VIPAS39: variants seen among roughly 807,000 people sequenced by gnomAD.
VIPAS39 encodes spermatogenesis-defective protein 39 homolog.
In VIPAS39, 63 loss-of-function variants were observed where a neutral mutation model predicts 84.7. The observed-to-expected ratio is 0.74, with a 90% CI of 0.61 to 0.92. The LOEUF is 0.92. VIPAS39 is among the 40% of genes least tolerant of loss of function. The pLI, the probability that VIPAS39 is intolerant of heterozygous loss-of-function variation, is 0.00. For synonymous variants in VIPAS39, 192 were observed against 216.5 expected (o/e 0.89, Z 0.99); for missense variants, 499 against 604.5 (o/e 0.83, Z 1.83).
intron 10 of VIPAS39, among the ~76,000 whole-genome samples, chr14:77,442,165 T>C (rs1366644371): frequency 1.3e-5 from 2 of 152,222 alleles, no homozygotes; most frequent in Non-Finnish European, 2.9e-5. Flanking sequence ...TAAATACTAA[T>C]ACTACAAACT....
chr14:77,437,919 T>A (rs1683809655), intron 11 of VIPAS39, 38 bp from the exon 12 acceptor site: 1 of 1,599,280 alleles, frequency 6.3e-7, no homozygotes, highest in East Asian at 2.2e-5. Flanking sequence ...GTATTTTGTC[T>A]CCTTAGATGA....
At chr14:77,447,338 A>ATT (rs57819334) in intron 7 of VIPAS39, among the ~76,000 whole-genome samples, 4,092 of 146,454 alleles carry the variant, frequency 0.028, 194 homozygotes, top group African/African-American at 0.097. Flanking sequence ...CACCTGGCTA[A>ATT]TTTTTTTTTT....
At chr14:77,431,183 T>C (rs748513896) in intron 16 of VIPAS39, among the ~76,000 whole-genome samples, 1 of 152,004 alleles carries the variant, frequency 6.6e-6, no homozygotes, top group Non-Finnish European at 1.5e-5. Context: ...CAAAAATAAA[T>C]GGGATTACAT....
chr14:77,444,040 C>CAAAA (rs2078746221), intron 8 of VIPAS39, among the ~76,000 whole-genome samples: 3 of 95,152 alleles, frequency 3.2e-5, no homozygotes, highest in Admixed American at 9.3e-5. Context: ...GACCCTGTCT[C>CAAAA]CAAAAAAAAA....
chr14:77,432,536 A>G (rs1476817841), intron 16 of VIPAS39, among the ~76,000 whole-genome samples: 1 of 152,216 alleles, frequency 6.6e-6, no homozygotes, highest in East Asian at 1.9e-4. Context: ...CCATTGATGG[A>G]TGAGTGGATA....
At chr14:77,431,595 G>A (rs1351234399) in intron 16 of VIPAS39, among the ~76,000 whole-genome samples, 1 of 152,120 alleles carries the variant, frequency 6.6e-6, no homozygotes, top group Non-Finnish European at 1.5e-5. Context: ...TGTAGCCAAT[G>A]TGGAAAACAG....
At chr14:77,432,050 C>T (rs987336860) in intron 16 of VIPAS39, among the ~76,000 whole-genome samples, 1 of 152,042 alleles carries the variant, frequency 6.6e-6, no homozygotes, top group Non-Finnish European at 1.5e-5. Flanking sequence ...AAGATGAGGA[C>T]TGTAGTTAAT....
chr14:77,440,058 A>G (rs558810150), intron 11 of VIPAS39, among the ~76,000 whole-genome samples: 6 of 151,252 alleles, frequency 4.0e-5, no homozygotes, highest in African/African-American at 1.5e-4. Flanking sequence ...AATTTTTTAA[A>G]TTTTTTTTTA....
At chr14:77,442,759 T>C (rs2078722974) in intron 9 of VIPAS39, 97 bp from the exon 10 acceptor site, 2 of 1,108,540 alleles carry the variant, frequency 1.8e-6, no homozygotes, top group Non-Finnish European at 2.7e-6. Context: ...TATTATCTCA[T>C]CAAACCCTAA....
At chr14:77,434,984 A>G (rs2078584305) in intron 14 of VIPAS39, among the ~76,000 whole-genome samples, 1 of 151,946 alleles carries the variant, frequency 6.6e-6, no homozygotes, top group South Asian at 2.1e-4. Flanking sequence ...GATATTGTGG[A>G]CCTTTGAACA....
At chr14:77,446,201 A>G (rs915621943) in intron 7 of VIPAS39, among the ~76,000 whole-genome samples, 2 of 152,176 alleles carry the variant, frequency 1.3e-5, no homozygotes, top group African/African-American at 4.8e-5. Context: ...TTCTTCTAGA[A>G]GTTTTATAGC....
chr14:77,453,543 T>G, intron 2 of VIPAS39, 142 bp from the exon 3 acceptor site: 1 of 818,698 alleles, frequency 1.2e-6, no homozygotes, highest in South Asian at 1.3e-5. Flanking sequence ...ATACTACATA[T>G]TTGCCAAGAA....
chr14:77,440,782 G>C (rs554730350), intron 11 of VIPAS39, among the ~76,000 whole-genome samples: 1 of 152,120 alleles, frequency 6.6e-6, no homozygotes. Flanking sequence ...GCAATGGCAC[G>C]ATCTCAGATC....
intron 4 of VIPAS39, among the ~76,000 whole-genome samples, chr14:77,449,995 A>G (rs1267205568): frequency 6.6e-6 from 1 of 152,250 alleles, no homozygotes; most frequent in East Asian, 1.9e-4. Flanking sequence ...TTTTAAGTGT[A>G]TAAGTCAGTA....
At chr14:77,447,901 A>G (rs2139856943) in intron 7 of VIPAS39, among the ~76,000 whole-genome samples, 1 of 149,832 alleles carries the variant, frequency 6.7e-6, no homozygotes, top group East Asian at 2.0e-4. Flanking sequence ...ACCTCAGGTG[A>G]TCTGCCTGCC....
chr14:77,429,203 T>G, intron 17 of VIPAS39, 108 bp from the exon 18 acceptor site: 2 of 930,894 alleles, frequency 2.1e-6, no homozygotes, highest in Non-Finnish European at 3.4e-6. Flanking sequence ...CAATAGCTAA[T>G]GTTTCCAGTT....
At chr14:77,451,767 T>C (rs766237027) in intron 3 of VIPAS39, among the ~76,000 whole-genome samples, 70 of 152,098 alleles carry the variant, frequency 4.6e-4, no homozygotes, top group Non-Finnish European at 6.9e-4. Context: ...CTAAGAGTAC[T>C]ACAAATTAAA....
Position 77,427,559 on chromosome 14 carries a change from T to C in VIPAS39, c.*57A>G, listed in dbSNP as rs2139720677. On this transcript the variant is annotated 3_prime_UTR_variant, in exon 20 of 20. Transcript: ENST00000557658. Reference sequence around the variant, plus strand: ...AGCTCTCCCAAAGAAGAGCTCTCTCTGCTTTCACAGGCAGGAGAGGAGGAA... The same window carrying C: ...AGCTCTCCCAAAGAAGAGCTCTCTCCGCTTTCACAGGCAGGAGAGGAGGAA... 10 of 1,611,438 alleles carry C rather than the reference T, an allele frequency of 6.2e-6. No individual in the cohort carries two copies. Among genetic ancestry groups the C allele is most frequent in the Middle Eastern group, 1.7e-4 (1 of 6,056 alleles).
At chr14:77,428,335 T>G in intron 19 of VIPAS39, 35 bp downstream of exon 19, 137 of 1,579,342 alleles carry the variant, frequency 8.7e-5, no homozygotes, top group Non-Finnish European at 1.1e-4. Context: ...GTCTGTCTCC[T>G]GAGCCTGCTG....
Sources: allele counts gnomAD v4.1 joint callset (sites outside exome capture counted in the v4.1 genomes callset), GRCh38; gene constraint gnomAD v4.1.1; transcripts MANE v1.5; gene names NCBI Gene and HGNC (gene_info 2026-07-23, HGNC 2026-07-21).